ARHGAP32: variants seen among roughly 807,000 people sequenced by gnomAD.
ARHGAP32 encodes Rho GTPase activating protein 32.
Under a neutral mutation model 186.5 loss-of-function variants are expected in ARHGAP32, and 51 were observed. The observed-to-expected ratio is 0.27, with a 90% CI of 0.22 to 0.35. The LOEUF (loss-of-function observed/expected upper bound fraction) is 0.35, where lower values mean the gene tolerates loss of function less well. Among genes scored for constraint, ARHGAP32 ranks in the 10% least tolerant of loss-of-function variants. The probability of loss-of-function intolerance (pLI) is 1.00; values close to 1 mark genes in which losing one functional copy is unlikely to be tolerated. For synonymous variants in ARHGAP32, 950 were observed against 964.3 expected, an observed-to-expected ratio of 0.99 and a Z score of 0.27; for missense variants, 2,186 against 2,623.5, an observed-to-expected ratio of 0.83 and a Z score of 3.64.
chr11:128,977,952 A>T (rs1266055386), intron 19 of ARHGAP32, among the ~76,000 whole-genome samples: 2 of 151,418 alleles, frequency 1.3e-5, no homozygotes, highest in South Asian at 2.1e-4. Flanking sequence ...CCTGGCTTCA[A>T]GCGATCTTCC....
chr11:129,232,592 A>G (rs1329672575), intron 1 of ARHGAP32, among the ~76,000 whole-genome samples: 1 of 152,160 alleles, frequency 6.6e-6, no homozygotes, highest in African/African-American at 2.4e-5. Context: ...TGTTAATGAT[A>G]TTAACTAGTG....
At chr11:129,115,338 G>A (rs975226695) in intron 5 of ARHGAP32, among the ~76,000 whole-genome samples, 2 of 151,966 alleles carry the variant, frequency 1.3e-5, no homozygotes, top group African/African-American at 2.4e-5. Context: ...AGCACATAAG[G>A]CGAAAATCAA....
At chr11:129,278,584 A>G (rs1945564269) in intron 1 of ARHGAP32, among the ~76,000 whole-genome samples, 1 of 152,120 alleles carries the variant, frequency 6.6e-6, no homozygotes, top group South Asian at 2.1e-4. Flanking sequence ...GAGGGGGAAA[A>G]AAGGCACTAA....
At chr11:129,074,975 T>C (rs1053165108) in intron 6 of ARHGAP32, among the ~76,000 whole-genome samples, 2 of 152,122 alleles carry the variant, frequency 1.3e-5, no homozygotes, top group African/African-American at 4.8e-5. Context: ...GCACAACGCA[T>C]ACACATATCA....
intron 6 of ARHGAP32, among the ~76,000 whole-genome samples, chr11:129,089,982 G>A (rs1941527037): frequency 6.6e-6 from 1 of 152,138 alleles, no homozygotes; most frequent in Non-Finnish European, 1.5e-5. Context: ...GAGAGAGAGG[G>A]AGAGACTTAA....
At chr11:129,174,487 C>T (rs902540169) in intron 1 of ARHGAP32, among the ~76,000 whole-genome samples, 4 of 152,192 alleles carry the variant, frequency 2.6e-5, no homozygotes, top group Non-Finnish European at 5.9e-5. Context: ...CCTCTGGGGG[C>T]AGGGCACAGA....
chr11:129,220,418 T>C (rs1362612436), intron 1 of ARHGAP32, among the ~76,000 whole-genome samples: 2 of 152,168 alleles, frequency 1.3e-5, no homozygotes, highest in Non-Finnish European at 2.9e-5. Flanking sequence ...AAAATACATA[T>C]ATTTTAGCTT....
intron 1 of ARHGAP32, among the ~76,000 whole-genome samples, chr11:129,214,130 A>C (rs1387333313): frequency 6.6e-6 from 1 of 152,144 alleles, no homozygotes; most frequent in Non-Finnish European, 1.5e-5. Flanking sequence ...AAAGTCTGAG[A>C]AACTGTCACA....
rs1343737001 is a variant in ARHGAP32 at position 128,986,687 on chromosome 11, G to T, written c.1299-19C>A. The T allele has an allele frequency of 9.9e-6, 16 of 1,610,946 alleles. No individual in the cohort carries two copies. The highest frequency in any genetic ancestry group is 1.4e-5 in the Non-Finnish European group (16 of 1,177,888). On this transcript the variant is annotated intron_variant, in intron 13 of 22. Coordinates refer to ENST00000682385, the MANE Select transcript of ARHGAP32 (RefSeq NM_001378024.1). ...TTCATGGCTGACGTAGACAGAAGAG[G>T]ACAAGCAAATCATTTGATTGAGGAG... is the stretch of plus-strand genomic sequence containing the variant.
intron 1 of ARHGAP32, among the ~76,000 whole-genome samples, chr11:129,270,419 A>G (rs945079484): frequency 2.6e-5 from 4 of 152,290 alleles, no homozygotes; most frequent in African/African-American, 4.8e-5. Flanking sequence ...AAACTACTCT[A>G]TAAGATACTA....
intron 11 of ARHGAP32, among the ~76,000 whole-genome samples, chr11:129,035,168 C>T (rs1939279028): frequency 6.7e-6 from 1 of 148,952 alleles, no homozygotes; most frequent in African/African-American, 2.5e-5. Context: ...TCTTTTGTTT[C>T]CTCTCCTCTC....
At chr11:129,143,996 C>T (rs913116173) in intron 2 of ARHGAP32, among the ~76,000 whole-genome samples, 10 of 152,034 alleles carry the variant, frequency 6.6e-5, no homozygotes, top group African/African-American at 2.4e-4. Context: ...ACTATTGTAC[C>T]ATCAGAAAGA....
intron 5 of ARHGAP32, among the ~76,000 whole-genome samples, chr11:129,100,458 T>G (rs1470711072): frequency 2.0e-5 from 3 of 152,128 alleles, no homozygotes; most frequent in Admixed American, 1.3e-4. Context: ...TGACCATGCA[T>G]CAGCCCAGAC....
chr11:129,231,879 G>C (rs1453425808), intron 1 of ARHGAP32, among the ~76,000 whole-genome samples: 2 of 151,676 alleles, frequency 1.3e-5, no homozygotes, highest in Non-Finnish European at 2.9e-5. Context: ...ACAAAAATTA[G>C]CCAGGCCTGA....
At chr11:129,033,165 A>C (rs1939184522) in intron 11 of ARHGAP32, among the ~76,000 whole-genome samples, 1 of 152,172 alleles carries the variant, frequency 6.6e-6, no homozygotes, top group South Asian at 2.1e-4. Context: ...ATCTTCATTT[A>C]TTCATTCCAC....
At chr11:129,091,526 GAGAAGA>G (rs1941577625) in intron 6 of ARHGAP32, among the ~76,000 whole-genome samples, 1 of 152,038 alleles carries the variant, frequency 6.6e-6, no homozygotes, top group Non-Finnish European at 1.5e-5. Context: ...AACAGAATAA[GAGAAGA>G]AAGGGTTAAG....
At chr11:129,232,023 CAAAAAAAAA>C (rs71057935) in intron 1 of ARHGAP32, among the ~76,000 whole-genome samples, 1,737 of 64,558 alleles carry the variant, frequency 0.027, 20 homozygotes, top group Non-Finnish European at 0.038. Flanking sequence ...GAGACGGACT[CAAAAAAAAA>C]AAAAAAAAAA....
At chr11:129,278,876 G>C (rs1195714394) in intron 1 of ARHGAP32, among the ~76,000 whole-genome samples, 1 of 149,830 alleles carries the variant, frequency 6.7e-6, no homozygotes, top group East Asian at 2.0e-4. Context: ...AGGCCAGAAC[G>C]CCGTCCGAAC....
rs1943737308 is a variant in ARHGAP32 at position 129,170,516 on chromosome 11, C to T, written c.117-6089G>A. ...CCCTGAAAAGGACATGATCTCATTC[C>T]TTTTTATGGCTTCATAGTATTCCAT... On this transcript the variant is annotated intron_variant, in intron 1 of 22. Coordinates refer to ENST00000682385, the MANE Select transcript of ARHGAP32 (RefSeq NM_001378024.1). Among the ~76,000 whole-genome samples, 4 of 152,126 alleles carry T rather than the reference C, an allele frequency of 2.6e-5. No homozygotes were observed. The South Asian group carries it at 8.3e-4, about 31-fold the overall frequency.
Sources: allele counts gnomAD v4.1 joint callset (sites outside exome capture counted in the v4.1 genomes callset), GRCh38; gene constraint gnomAD v4.1.1; transcripts MANE v1.5; gene names NCBI Gene and HGNC (gene_info 2026-07-23, HGNC 2026-07-21).